Variants in PRDM16 observed in about 807,000 individuals in gnomAD.
PRDM16 encodes the protein histone-lysine N-methyltransferase PRDM16.
A neutral mutation model predicts 110.6 loss-of-function variants in PRDM16; 23 were observed. The observed-to-expected ratio is 0.21, with a 90% CI of 0.15 to 0.29. The LOEUF is 0.29. Ranked by LOEUF, PRDM16 falls within the 10% of genes least tolerant of loss-of-function variation. PRDM16 has a pLI of 1.00. For missense variants in PRDM16, 1,615 were observed against 1,794.3 expected, an observed-to-expected ratio of 0.90 and a Z score of 1.81; for synonymous variants, 799 against 781.8, an observed-to-expected ratio of 1.02 and a Z score of -0.37.
chr1:3,101,789 G>C (rs1642538589), intron 1 of PRDM16, among the ~76,000 whole-genome samples: 1 of 152,340 alleles, frequency 6.6e-6, no homozygotes, highest in South Asian at 2.1e-4. Context: ...CAGCAGGAGT[G>C]ATCTGGAGCT....
rs558929137 is a variant in PRDM16 at position 3,333,983 on chromosome 1, A to G, written c.439-51169A>G. Among the ~76,000 whole-genome samples, 189 of 152,284 alleles carry G rather than the reference A, an allele frequency of 1.2e-3. 2 individuals carry two copies. Among genetic ancestry groups the G allele is most frequent in the African/African-American group, 4.3e-3 (177 of 41,556 alleles). On this transcript the variant is annotated intron_variant, in intron 3 of 16. Coordinates refer to ENST00000270722, the MANE Select transcript of PRDM16 (RefSeq NM_022114.4). Reference sequence around the variant, plus strand: ...ATACAGCCTGCAGGACCACGAGCCAATGAAACCTCTTTTCTTTACCCAGCC... The same window carrying G: ...ATACAGCCTGCAGGACCACGAGCCAGTGAAACCTCTTTTCTTTACCCAGCC...
chr1:3,185,167 C>T (rs556891571), intron 1 of PRDM16, among the ~76,000 whole-genome samples: 1 of 152,298 alleles, frequency 6.6e-6, no homozygotes, highest in East Asian at 1.9e-4. Context: ...CCTCCTCGCC[C>T]TGCCCATCTC....
At chr1:3,399,966 A>G (rs1243106133) in intron 5 of PRDM16, among the ~76,000 whole-genome samples, 4 of 152,176 alleles carry the variant, frequency 2.6e-5, no homozygotes, top group East Asian at 1.9e-4. Flanking sequence ...GTGTTCTGCA[A>G]TGGTCTTGGT....
intron 8 of PRDM16, among the ~76,000 whole-genome samples, chr1:3,408,665 AGTGT>A (rs199646395): frequency 5.4e-5 from 7 of 128,950 alleles, no homozygotes; most frequent in African/African-American, 1.7e-4. Context: ...CATGTGTGAG[AGTGT>A]GTGAGTGTGA....
At chr1:3,119,267 C>T (rs981498779) in intron 1 of PRDM16, among the ~76,000 whole-genome samples, 6 of 152,222 alleles carry the variant, frequency 3.9e-5, no homozygotes, top group Admixed American at 6.5e-5. Context: ...GGTGAAGGGC[C>T]GGTGCCTCGG....
chr1:3,144,939 C>A (rs773978502), intron 1 of PRDM16, among the ~76,000 whole-genome samples: 2 of 152,180 alleles, frequency 1.3e-5, no homozygotes, highest in Non-Finnish European at 2.9e-5. Context: ...TCCCAGTGAA[C>A]CCCCAGGGCC....
At position 3,272,834 on chromosome 1, in the gene PRDM16, TC is replaced by T. The variant is rs1374394035; in HGVS notation, c.438+28701del. On this transcript the variant is annotated intron_variant, in intron 3 of 16. Coordinates refer to ENST00000270722, the MANE Select transcript of PRDM16 (RefSeq NM_022114.4). ...CTGTGCCCCCACAGGGAGGGCTGGC[TC>T]CCCTGCTGCCTGTGCCGATGAAGGG... Among the ~76,000 whole-genome samples, 4 of 152,288 alleles carry T rather than the reference TC, an allele frequency of 2.6e-5. No individual in the cohort carries two copies. In the South Asian group the frequency reaches 8.3e-4, roughly 32 times the overall value.
Position 3,256,774 on chromosome 1 carries a change from G to A in PRDM16, c.438+12637G>A, listed in dbSNP as rs543526838. Reference sequence around the variant, plus strand: ...AGGGAGGCTGAGGCAGGAGAATGGCGTGAACCCAGGAGGCAGAGCTTGCAG... The same window carrying A: ...AGGGAGGCTGAGGCAGGAGAATGGCATGAACCCAGGAGGCAGAGCTTGCAG... On this transcript the variant is annotated intron_variant, in intron 3 of 16. Coordinates refer to ENST00000270722, the MANE Select transcript of PRDM16 (RefSeq NM_022114.4). 2.5e-3 allele frequency among the ~76,000 whole-genome samples: 381 copies of A among 152,220 alleles called. 6 individuals are homozygous for A. The highest frequency in any genetic ancestry group is 8.3e-4 in the South Asian group (4 of 4,826).
At chr1:3,077,430 C>T (rs1570206052) in intron 1 of PRDM16, among the ~76,000 whole-genome samples, 2 of 152,308 alleles carry the variant, frequency 1.3e-5, no homozygotes, top group Non-Finnish European at 2.9e-5. Context: ...AAGGTGAGGA[C>T]GCTTTGGAGA....
chr1:3,357,265 G>A (rs1183661031), intron 3 of PRDM16, among the ~76,000 whole-genome samples: 2 of 152,098 alleles, frequency 1.3e-5, no homozygotes, highest in Non-Finnish European at 2.9e-5. Flanking sequence ...TAACTGTTAG[G>A]CCCTGCTGTG....
At chr1:3,267,329 T>C (rs1011200316) in intron 3 of PRDM16, among the ~76,000 whole-genome samples, 1 of 152,236 alleles carries the variant, frequency 6.6e-6, no homozygotes, top group African/African-American at 2.4e-5. Flanking sequence ...ATCCATGTTG[T>C]AGCTCGTGTC....
rs561980492 is a variant in PRDM16 at position 3,405,035 on chromosome 1, C to T, written c.1032+149C>T. On this transcript the variant is annotated intron_variant, in intron 7 of 16. Transcript: ENST00000270722. ...GGCCCCTGCGGTGGCTCGGGCCCTT[C>T]CGTGTGACTAGGAAGGAAAGGAAGT... 3.8e-6 allele frequency: 3 copies of T among 789,962 alleles called. No homozygotes were observed. In the South Asian group the frequency reaches 5.5e-5, roughly 14 times the overall value. 48.9% of individuals were successfully genotyped at this position (789,962 alleles called of 1,614,324 possible).
rs573076849 is a variant in PRDM16 at position 3,357,298 on chromosome 1, A to T, written c.439-27854A>T. 5.3e-5 allele frequency among the ~76,000 whole-genome samples: 8 copies of T among 152,128 alleles called. No homozygotes were observed. The East Asian group carries it at 1.5e-3, about 29-fold the overall frequency. On this transcript the variant is annotated intron_variant, in intron 3 of 16. Transcript: ENST00000270722. ...GTGCCCTCCTGAAAACGAAGGCTGC[A>T]TTCCTGCTCTTCATGGCTGGATACA... is the stretch of plus-strand genomic sequence containing the variant.
intron 3 of PRDM16, among the ~76,000 whole-genome samples, chr1:3,275,569 G>A (rs1213419505): frequency 2.0e-5 from 3 of 152,198 alleles, no homozygotes. Context: ...CTGTCCTGGT[G>A]CAGGCAGCAC....
chr1:3,118,734 C>T (rs1431891254), intron 1 of PRDM16, among the ~76,000 whole-genome samples: 1 of 147,612 alleles, frequency 6.8e-6, no homozygotes, highest in Non-Finnish European at 1.5e-5. Flanking sequence ...CTGGGGGCCA[C>T]GTGGATGGAG....
intron 3 of PRDM16, among the ~76,000 whole-genome samples, chr1:3,262,069 C>A (rs187433269): frequency 1.5e-4 from 23 of 152,348 alleles, no homozygotes; most frequent in African/African-American, 5.3e-4. Flanking sequence ...TTGACTAATG[C>A]GCCCTCAGGC....
At chr1:3,103,945 A>G (rs1642589047) in intron 1 of PRDM16, among the ~76,000 whole-genome samples, 1 of 152,224 alleles carries the variant, frequency 6.6e-6, no homozygotes, top group African/African-American at 2.4e-5. Flanking sequence ...GGGCGGGACT[A>G]CCCTGGGAGT....
At position 3,380,626 on chromosome 1, in the gene PRDM16, G is replaced by A. The variant is rs141728073; in HGVS notation, c.439-4526G>A. On this transcript the variant is annotated intron_variant, in intron 3 of 16. Coordinates refer to ENST00000270722, the MANE Select transcript of PRDM16 (RefSeq NM_022114.4). ...AGGCTCAAGAACACTGTCCCATGTG[G>A]GTGAGAAACCAGCCGTGTCCCTGTT... Among the ~76,000 whole-genome samples the A allele has an allele frequency of 2.3e-3, 346 of 152,278 alleles. 1 individual carries two copies. Among genetic ancestry groups the A allele is most frequent in the African/African-American group, 7.9e-3 (330 of 41,538 alleles).
intron 3 of PRDM16, among the ~76,000 whole-genome samples, chr1:3,376,824 C>T (rs1642998714): frequency 6.6e-6 from 1 of 151,856 alleles, no homozygotes; most frequent in African/African-American, 2.4e-5. Flanking sequence ...TGACCGCCGA[C>T]CAGGCCTCCT....
Sources: allele counts gnomAD v4.1 joint callset (sites outside exome capture counted in the v4.1 genomes callset), GRCh38; gene constraint gnomAD v4.1.1; transcripts MANE v1.5; gene names NCBI Gene and HGNC (gene_info 2026-07-23, HGNC 2026-07-21).